Variants in SPTB observed in about 807,000 individuals in gnomAD.
SPTB encodes spectrin beta chain, erythrocytic.
In SPTB, 45 loss-of-function variants were observed where a neutral mutation model predicts 256.2. The ratio of observed to expected loss-of-function variants is 0.18; its 90% confidence interval spans 0.14 to 0.23. SPTB has a LOEUF of 0.23. SPTB is among the 10% of genes least tolerant of loss of function. The pLI, the probability that SPTB is intolerant of heterozygous loss-of-function variation, is 1.00. For missense variants in SPTB, 2,715 were observed against 3,040.4 expected (o/e 0.89, Z 2.52); for synonymous variants, 1,231 against 1,243.1 (o/e 0.99, Z 0.21).
intron 2 of SPTB, among the ~76,000 whole-genome samples, chr14:64,819,155 C>A (rs1195654165): frequency 1.3e-5 from 2 of 152,200 alleles, no homozygotes; most frequent in African/African-American, 4.8e-5. Context: ...TTCCTTTTCA[C>A]TTTAGTTAGG....
chr14:64,818,900 G>A (rs2083239298), intron 2 of SPTB, among the ~76,000 whole-genome samples: 1 of 152,224 alleles, frequency 6.6e-6, no homozygotes, highest in South Asian at 2.1e-4. Flanking sequence ...CAGAAAGTAG[G>A]AAGGTGCCAG....
chr14:64,857,619 A>T (rs938125995), intron 1 of SPTB, among the ~76,000 whole-genome samples: 1 of 151,426 alleles, frequency 6.6e-6, no homozygotes, highest in Admixed American at 6.6e-5. Context: ...TGATTCTGGA[A>T]ATCATTTGGG....
intron 2 of SPTB, among the ~76,000 whole-genome samples, chr14:64,810,671 C>T (rs988824147): frequency 1.3e-5 from 2 of 152,082 alleles, no homozygotes; most frequent in African/African-American, 2.4e-5. Flanking sequence ...CAGAATGAGA[C>T]CCTGTCTCAA....
chr14:64,829,747 A>G (rs2139721808), intron 1 of SPTB, among the ~76,000 whole-genome samples: 1 of 152,334 alleles, frequency 6.6e-6, no homozygotes, highest in Admixed American at 6.5e-5. Flanking sequence ...TTAATAATAA[A>G]TTAAACTTGT....
At chr14:64,752,218 A>T (rs1229962346) in intron 33 of SPTB, 9 of 1,348,666 alleles carry the variant, frequency 6.7e-6, no homozygotes, top group Non-Finnish European at 6.9e-6. Flanking sequence ...CACACGTGGG[A>T]AGCATGTTGC....
Position 64,782,312 on chromosome 14 carries a change from T to C in SPTB, c.4244A>G (p.Asn1415Ser), listed in dbSNP as rs921527857. ...TGCCTTCAGCTTAGCCAACATCCGA[T>C]TGACACTGGTCAGGTCCTTGCCCGG... ...DDPGKDLTSV[N>S]RMLAKLKRVE... Residue 1415 changes from asparagine (N) to serine (S), a missense_variant, in exon 20 of 36, where the codon AAT (asparagine) becomes AGT (serine). Asn to Ser is a conservative substitution (Grantham distance 46, BLOSUM62 1). This residue lies in a region of SPTB where 2,239 missense variants were observed against 2,384.4 expected (regional missense o/e 0.94). Transcript: ENST00000644917. 9 of 1,614,128 alleles carry C rather than the reference T, an allele frequency of 5.6e-6. No individual in the cohort carries two copies. The African/African-American group carries it at 8.0e-5, about 14-fold the overall frequency.
chr14:64,838,650 G>A (rs78277326), intron 1 of SPTB, among the ~76,000 whole-genome samples: 3,659 of 151,894 alleles, frequency 0.024, 142 homozygotes, highest in African/African-American at 0.083. Context: ...AAATTCATTC[G>A]TCATTAGGAA....
chr14:64,828,705 C>T (rs2083408930), intron 1 of SPTB, among the ~76,000 whole-genome samples: 1 of 152,206 alleles, frequency 6.6e-6, no homozygotes, highest in Non-Finnish European at 1.5e-5. Flanking sequence ...TTCAAGATAG[C>T]CACTGGCCTC....
At chr14:64,787,670 G>C (rs2082598181) in intron 15 of SPTB, among the ~76,000 whole-genome samples, 1 of 152,212 alleles carries the variant, frequency 6.6e-6, no homozygotes, top group Admixed American at 6.5e-5. Flanking sequence ...AAAAAGAAGA[G>C]GAAGAAGAGG....
intron 2 of SPTB, among the ~76,000 whole-genome samples, chr14:64,810,607 G>A (rs865929671): frequency 2.0e-5 from 3 of 151,828 alleles, no homozygotes; most frequent in South Asian, 4.2e-4. Flanking sequence ...TTGAACTTGG[G>A]AGTTGAAGGT....
In SPTB at chr14:64,822,842, G is replaced by A. The variant is rs531142754; in HGVS notation, c.148+105C>T. 2.1e-4 allele frequency: 322 copies of A among 1,537,864 alleles called. 2 individuals are homozygous for A. Among genetic ancestry groups the A allele is most frequent in the Non-Finnish European group, 2.6e-4 (294 of 1,113,502 alleles). On this transcript the variant is annotated intron_variant, in intron 2 of 35. Transcript: ENST00000644917. ...ACAAACACGTCTCCATCACTGCCAT[G>A]CCAGGGCTCACCCAACACACACAGA...
At chr14:64,874,850 GA>G (rs1882733296) in intron 1 of SPTB, among the ~76,000 whole-genome samples, 1 of 152,094 alleles carries the variant, frequency 6.6e-6, no homozygotes, top group Admixed American at 6.5e-5. Context: ...ACTATAATTC[GA>G]AGCAATTATT....
Position 64,823,949 on chromosome 14 carries a change from C to T in SPTB, c.-51-804G>A, listed in dbSNP as rs1192270853. 2.6e-5 allele frequency among the ~76,000 whole-genome samples: 4 copies of T among 152,172 alleles called. No homozygotes were observed. The highest frequency in any genetic ancestry group is 2.9e-5 in the Non-Finnish European group (2 of 68,034). ...ATTGTGAGTCCATGTGATGAACCAG[C>T]GCATCAGGAGCACTGGGTCCTCCCT... On this transcript the variant is annotated intron_variant, in intron 1 of 35. Coordinates refer to ENST00000644917, the MANE Select transcript of SPTB (RefSeq NM_001355436.2). This position sits in a 1 kb window ranked among gnomAD's most constrained non-coding sequence, Gnocchi z 6.5.
intron 2 of SPTB, among the ~76,000 whole-genome samples, chr14:64,814,494 C>T (rs1394346469): frequency 2.0e-5 from 3 of 151,982 alleles, no homozygotes; most frequent in Admixed American, 2.0e-4. Flanking sequence ...AAAAAGATAT[C>T]AAAGTAATTA....
At chr14:64,814,785 C>T (rs2083158245) in intron 2 of SPTB, among the ~76,000 whole-genome samples, 1 of 152,230 alleles carries the variant, frequency 6.6e-6, no homozygotes, top group Non-Finnish European at 1.5e-5. Context: ...GGATTACAGG[C>T]ATGAGCCACT....
Position 64,796,754 on chromosome 14 carries a change from A to G in SPTB, c.1183-39T>C. On this transcript the variant is annotated intron_variant, in intron 10 of 35. Transcript: ENST00000644917. The surrounding 1 kb of genome is among the most constrained non-coding windows in gnomAD (Gnocchi z 4.1). The stretch of plus-strand genomic sequence containing the variant: ...GGAATGAGAATTCTTGGGGCACAGG[A>G]GAAATGCCTCACTTTGGGGGCTCCA... The G allele has an allele frequency of 6.2e-7, 1 of 1,613,576 alleles. No homozygotes were observed.
At chr14:64,805,119 T>C in intron 2 of SPTB, 29 bp from the exon 3 acceptor site, 1 of 1,614,030 alleles carries the variant, frequency 6.2e-7, no homozygotes, top group Non-Finnish European at 8.5e-7. Context: ...CTTGGTGAGG[T>C]GCCTGAGGTT....
At position 64,748,229 on chromosome 14, in the gene SPTB, G is replaced by GCCATTAC. The variant is rs974121052; in HGVS notation, c.*1070_*1076dup. The stretch of plus-strand genomic sequence containing the variant: ...GATGATCAACTTTACTGTCTGCCCA[G>GCCATTAC]CCATTACCCTCCAAAGTCCCAGCTG... On this transcript the variant is annotated 3_prime_UTR_variant, in exon 36 of 36. Transcript: ENST00000644917. 2.0e-5 allele frequency: 3 copies of GCCATTAC among 149,738 alleles called. No homozygotes were observed. The highest frequency in any genetic ancestry group is 7.7e-5 in the African/African-American group (3 of 39,124). 9.3% of individuals were successfully genotyped at this position (149,738 alleles called of 1,614,324 possible). A position where few individuals can be genotyped will look rare whatever the true frequency, so the allele number is the denominator to read the frequency against.
Position 64,767,670 on chromosome 14 carries a change from G to A in SPTB, c.6212C>T (p.Pro2071Leu). ...GCACTGTTCCCTGCTCACCGTGGTG[G>A]GCTTCTCCAGGGCAGCAAAGCGCTC... Reference protein sequence around the residue: ...WAERFAALEKPTTLELKERQI... With the variant: ...WAERFAALEKLTTLELKERQI... Residue 2071 changes from proline (P) to leucine (L), a missense_variant, in exon 30 of 36, where the codon CCC becomes CTC. Physicochemically the swap from Pro to Leu is moderately conservative, Grantham distance 98. Coordinates refer to ENST00000644917, the MANE Select transcript of SPTB (RefSeq NM_001355436.2). 6.2e-7 allele frequency: 1 copy of A among 1,614,078 alleles called. No homozygotes were observed. The highest frequency in any genetic ancestry group is 8.5e-7 in the Non-Finnish European group (1 of 1,180,030).
Sources: allele counts gnomAD v4.1 joint callset (sites outside exome capture counted in the v4.1 genomes callset), GRCh38; gene constraint gnomAD v4.1.1; regional missense constraint gnomAD v4.1.1; non-coding constraint Gnocchi (gnomAD v3.1); transcripts MANE v1.5; gene names NCBI Gene and HGNC (gene_info 2026-07-23, HGNC 2026-07-21).